The following C9orf72 variants were observed in gnomAD, a reference collection of about 807,000 sequenced individuals.
C9orf72 encodes the protein guanine nucleotide exchange factor C9orf72.
A neutral mutation model predicts 51.6 loss-of-function variants in C9orf72; 44 were observed. The ratio of observed to expected loss-of-function variants is 0.85; its 90% confidence interval spans 0.67 to 1.10. The LOEUF (loss-of-function observed/expected upper bound fraction) is 1.10. Among genes scored for constraint, C9orf72 ranks in the 50% least tolerant of loss-of-function variants. The probability of loss-of-function intolerance (pLI) is 0.00; values close to 1 mark genes in which losing one functional copy is unlikely to be tolerated. For synonymous variants in C9orf72, 213 were observed against 194.2 expected (o/e 1.10, Z -0.81); for missense variants, 607 against 570.6 (o/e 1.06, Z -0.65).
At chr9:27,554,088 A>G (rs1253500158) in intron 8 of C9orf72, among the ~76,000 whole-genome samples, 2 of 152,192 alleles carry the variant, frequency 1.3e-5, no homozygotes, top group Non-Finnish European at 2.9e-5. Context: ...TAGTTTAGCT[A>G]TTATGAAAAG....
chr9:27,566,460 A>G (rs1032142517), intron 2 of C9orf72, among the ~76,000 whole-genome samples: 7 of 152,154 alleles, frequency 4.6e-5, no homozygotes, highest in African/African-American at 1.7e-4. Flanking sequence ...CTTTTCATCT[A>G]TAATGTGGAG....
intron 9 of C9orf72, among the ~76,000 whole-genome samples, chr9:27,549,086 C>G (rs1224716114): frequency 2.0e-5 from 3 of 152,160 alleles, no homozygotes; most frequent in Non-Finnish European, 4.4e-5. Context: ...TTGTGATCCA[C>G]CCACCTCGGA....
intron 7 of C9orf72, among the ~76,000 whole-genome samples, chr9:27,557,372 G>C (rs553746561): frequency 6.6e-6 from 1 of 152,174 alleles, no homozygotes; most frequent in South Asian, 2.1e-4. Context: ...AACCTACTGC[G>C]TATGAGGCAC....
chr9:27,565,599 G>A lies in C9orf72; in HGVS notation c.445-9C>T. The A allele has an allele frequency of 6.3e-7, 1 of 1,580,410 alleles. No individual in the cohort carries two copies. The highest frequency in any genetic ancestry group is 8.7e-7 in the Non-Finnish European group (1 of 1,155,810). ...ACATTTTCTTGTCTTTCCTGAGCAAGAGAAAATTTATTTAAAAAAACAACC... is the reference window on the plus strand; with the variant it reads ...ACATTTTCTTGTCTTTCCTGAGCAAAAGAAAATTTATTTAAAAAAACAACC... On this transcript the variant is annotated splice_polypyrimidine_tract_variant and intron_variant, in intron 2 of 10. Transcript: ENST00000380003.
intron 1 of C9orf72, 30 bp downstream of exon 1, chr9:27,573,401 C>T (rs1819633893): frequency 6.6e-6 from 1 of 152,394 alleles, no homozygotes; most frequent in South Asian, 1.8e-4. Context: ...CCCAAACAGC[C>T]ACCCGCCAGG....
At chr9:27,565,236 C>T (rs113095919) in intron 3 of C9orf72, among the ~76,000 whole-genome samples, 2,704 of 151,810 alleles carry the variant, frequency 0.018, 89 homozygotes, top group African/African-American at 0.061. Context: ...ATATCAGAGA[C>T]AATTTTTTTT....
rs775414064 is a variant in C9orf72, at chr9:27,567,026, T to C, written c.95A>G (p.Tyr32Cys). Residue 32 changes from tyrosine (Y) to cysteine (C), a missense_variant, in exon 2 of 11, where the codon TAC becomes TGC. Physicochemically the swap from Tyr to Cys is radical, Grantham distance 194 (BLOSUM62 -2). Coordinates refer to ENST00000380003, the MANE Select transcript of C9orf72 (RefSeq NM_018325.5). ...TCTAGGACCAAGAATATTGTCCCAG[T>C]AAGCAAAAGTAGCTGCTAATAAAGG... ...KSPLLAATFA[Y>C]WDNILGPRVR... 1.9e-6 allele frequency: 3 copies of C among 1,614,062 alleles called. No individual in the cohort carries two copies. The highest frequency in any genetic ancestry group is 1.7e-6 in the Non-Finnish European group (2 of 1,179,898).
intron 3 of C9orf72, among the ~76,000 whole-genome samples, chr9:27,564,334 C>T (rs2131542799): frequency 6.6e-6 from 1 of 152,172 alleles, no homozygotes; most frequent in East Asian, 1.9e-4. Flanking sequence ...TAGTAGTCAA[C>T]TTAAGTAAAG....
upstream of C9orf72, chr9:27,573,675 G>A (rs1182077235): frequency 2.6e-5 from 4 of 152,522 alleles, no homozygotes; most frequent in East Asian, 3.9e-4. Flanking sequence ...AGCAAGTAGT[G>A]GGGAGAGAGG....
At chr9:27,549,139 G>C (rs1376166215) in intron 9 of C9orf72, among the ~76,000 whole-genome samples, 2 of 152,226 alleles carry the variant, frequency 1.3e-5, no homozygotes, top group African/African-American at 4.8e-5. Context: ...ACCAGGCCCA[G>C]ACAATCTGAC....
chr9:27,554,566 A>T (rs1445066230), intron 8 of C9orf72: 4 of 398,360 alleles, frequency 1.0e-5, no homozygotes, highest in Non-Finnish European at 1.8e-5. Flanking sequence ...TCACCTGTAC[A>T]CCAAACCCTC....
upstream of C9orf72, chr9:27,573,680 G>C (rs1563909099): frequency 6.6e-6 from 1 of 152,356 alleles, no homozygotes; most frequent in Non-Finnish European, 1.5e-5. Flanking sequence ...GTAGTGGGGA[G>C]AGAGGGTGGG....
Position 27,570,898 on chromosome 9 carries a change from AAAG to A in C9orf72, c.-45+2530_-45+2532del, listed in dbSNP as rs1330268321. ...AAAAAACAAACAAACAAACAAACAAAAAGAATAAGAAAGAAAATGAAGGACAAA... is the reference window on the plus strand; with the variant it reads ...AAAAAACAAACAAACAAACAAACAAAAATAAGAAAGAAAATGAAGGACAAA... On this transcript the variant is annotated intron_variant, in intron 1 of 10. Transcript: ENST00000380003. 3.9e-5 allele frequency among the ~76,000 whole-genome samples: 6 copies of A among 152,136 alleles called. 1 individual carries two copies. In the South Asian group the frequency reaches 1.2e-3, roughly 32 times the overall value.
In C9orf72 at chr9:27,562,453, A is replaced by G. The variant is rs34608611; in HGVS notation, c.528T>C (p.Leu176=). 5.4e-4 allele frequency: 865 copies of G among 1,590,578 alleles called. 5 individuals are homozygous for G. The African/African-American group carries it at 0.011, about 20-fold the overall frequency. Residue 176 remains leucine (L), a synonymous_variant, in exon 4 of 11, where the codon CTT becomes CTC. Coordinates refer to ENST00000380003, the MANE Select transcript of C9orf72 (RefSeq NM_018325.5). ...EDQGQSIIPM[L]TGEVIPVMEL... ...CCATTACAGGAATCACTTCTCCAGT[A>G]AGCATTGGAATAATACTCTGACCCT... is the stretch of plus-strand genomic sequence containing the variant.
chr9:27,566,712 G>A lies in C9orf72; in HGVS notation c.409C>T (p.His137Tyr). 6.2e-7 allele frequency: 1 copy of A among 1,611,840 alleles called. No individual in the cohort carries two copies. Among genetic ancestry groups the A allele is most frequent in the Non-Finnish European group, 8.5e-7 (1 of 1,178,620 alleles). ...LHRVCVDRLT[H>Y]IIRKGRIWMH... is the part of the protein sequence containing the mutation. ...CATATTCTTCCTTTCCGGATTATAT[G>A]TGTTAATCTATCAACACACACTCTA... The change falls in exon 2 of 11, where the codon CAT (histidine) becomes TAT (tyrosine). Residue 137 changes from histidine to tyrosine, a missense_variant. His to Tyr is a moderately conservative substitution (Grantham distance 83, BLOSUM62 2). Transcript: ENST00000380003.
At chr9:27,549,813 G>A (rs968178298) in intron 9 of C9orf72, among the ~76,000 whole-genome samples, 2 of 149,342 alleles carry the variant, frequency 1.3e-5, no homozygotes, top group African/African-American at 2.5e-5. Context: ...ATAGGTTAAT[G>A]CTTGAATTAA....
chr9:27,548,407 C>CG lies in C9orf72; in HGVS notation c.1274_1275insC (p.Lys425AsnfsTer4). On this transcript the variant is annotated frameshift_variant, in exon 11 of 11. Transcript: ENST00000380003. LOFTEE classifies it high-confidence loss of function. ...TCAGGTTCCGAAGAGATTTAAAGGG[C>CG]TTTTTTCCCTTCTGCCTAAAAATAA... 1.4e-6 allele frequency: 1 copy of CG among 697,782 alleles called. No individual in the cohort carries two copies. Among genetic ancestry groups the CG allele is most frequent in the Non-Finnish European group, 2.2e-6 (1 of 464,616 alleles). The allele number at this position is 697,782 out of a possible 1,614,324, so 43.2% of individuals were successfully genotyped here. A position where few individuals can be genotyped will look rare whatever the true frequency, so the allele number is the denominator to read the frequency against.
rs1819490571 is a variant in C9orf72 at position 27,567,219 on chromosome 9, T to C, written c.-44-55A>G. On this transcript the variant is annotated intron_variant, in intron 1 of 10. Transcript: ENST00000380003. Reference sequence around the variant, plus strand: ...AGGTTCAGCAATTTAAAGATATCCATCAAAACCCCAAATGATTTAGACATA... The same window carrying C: ...AGGTTCAGCAATTTAAAGATATCCACCAAAACCCCAAATGATTTAGACATA... 6.9e-6 allele frequency: 7 copies of C among 1,018,550 alleles called. No homozygotes were observed. The South Asian group carries it at 1.1e-4, about 16-fold the overall frequency. 63.1% of individuals were successfully genotyped at this position (1,018,550 alleles called of 1,614,324 possible).
In C9orf72 at chr9:27,570,045, T is replaced by C. The variant is rs1371904670; in HGVS notation, c.-44-2881A>G. On this transcript the variant is annotated intron_variant, in intron 1 of 10. Transcript: ENST00000380003. ...TAACTCTAAGTATGTACAGAAATGG[T>C]TGAACACAACGACAGTTTTAACACG... is the stretch of plus-strand genomic sequence containing the variant. 3.3e-5 allele frequency among the ~76,000 whole-genome samples: 5 copies of C among 152,326 alleles called. No individual in the cohort carries two copies. The South Asian group carries it at 6.2e-4, about 19-fold the overall frequency.
Sources: gnomAD v4.1 joint callset for allele counts (sites outside exome capture counted in the v4.1 genomes callset) on GRCh38, gnomAD v4.1.1 for gene constraint, MANE v1.5 for transcripts, NCBI Gene and HGNC (gene_info 2026-07-23, HGNC 2026-07-21) for gene names.